The following EHD4 variants were observed in gnomAD, a reference collection of about 807,000 sequenced individuals.
The protein encoded by EHD4 is EH domain-containing protein 4.
A neutral mutation model predicts 51.0 loss-of-function variants in EHD4; 37 were observed. The ratio of observed to expected loss-of-function variants is 0.73; its 90% CI spans 0.56 to 0.95. The LOEUF is 0.95. Among genes scored for constraint, EHD4 ranks in the 40% least tolerant of loss-of-function variants. EHD4 has a pLI of 0.00. For missense variants in EHD4, 632 were observed against 733.1 expected, an observed-to-expected ratio of 0.86 and a Z score of 1.59; for synonymous variants, 297 against 317.3, an observed-to-expected ratio of 0.94 and a Z score of 0.68.
chr15:41,904,522 G>A lies in EHD4; in HGVS notation c.1090-3341C>T, dbSNP rs561156363. Among the ~76,000 whole-genome samples, 491 of 152,254 alleles carry A rather than the reference G, an allele frequency of 3.2e-3. 2 individuals are homozygous for A. The highest frequency in any genetic ancestry group is 0.014 in the Middle Eastern group (4 of 294). Reference sequence around the variant, plus strand: ...CACACTGGGGAACTTAAAGGTATTTGCCCATCAACAGTTGTATCCACTAAG... The same window carrying A: ...CACACTGGGGAACTTAAAGGTATTTACCCATCAACAGTTGTATCCACTAAG... On this transcript the variant is annotated intron_variant, in intron 5 of 5. Coordinates refer to ENST00000220325, the MANE Select transcript of EHD4 (RefSeq NM_139265.4).
intron 3 of EHD4, chr15:41,921,662 C>T (rs959715673): frequency 2.0e-5 from 3 of 152,206 alleles, no homozygotes; most frequent in African/African-American, 7.2e-5. Flanking sequence ...CACTCTCCCA[C>T]GTGGTCTTCC....
chr15:41,941,125 AATTG>A (rs1489014930), intron 3 of EHD4, among the ~76,000 whole-genome samples: 5 of 152,304 alleles, frequency 3.3e-5, no homozygotes, highest in Admixed American at 3.3e-4. Context: ...TAAAAAAAAA[AATTG>A]ATTGGCACTG....
Position 41,900,756 on chromosome 15 carries a change from C to T in EHD4, c.1515G>A (p.Ala505=), listed in dbSNP as rs370720124. ...TGATCTTGATGAGGTGCTTGGCCAG[C>T]GCGAACTCCTCCTCATCAAGCATGC... ...CDGMLDEEEF[A]LAKHLIKIKL... Residue 505 remains alanine (A), a synonymous_variant, in exon 6 of 6, where the codon GCG becomes GCA. Coordinates refer to ENST00000220325, the MANE Select transcript of EHD4 (RefSeq NM_139265.4). This position sits in a 1 kb window ranked among gnomAD's most constrained non-coding sequence, Gnocchi z 4.8. 44 of 1,613,802 alleles carry T rather than the reference C, an allele frequency of 2.7e-5. No homozygotes were observed. The highest frequency in any genetic ancestry group is 3.3e-4 in the Middle Eastern group (2 of 6,060).
chr15:41,957,675 G>T (rs998381185), intron 1 of EHD4, among the ~76,000 whole-genome samples: 39 of 152,270 alleles, frequency 2.6e-4, no homozygotes, highest in African/African-American at 8.9e-4. Flanking sequence ...TCACCCTGGG[G>T]TCCTACACTG....
intron 1 of EHD4, among the ~76,000 whole-genome samples, chr15:41,961,252 C>A (rs2067922600): frequency 1.3e-5 from 2 of 152,212 alleles, no homozygotes; most frequent in African/African-American, 4.8e-5. Flanking sequence ...CTGCCATTAC[C>A]TGTAAGTTGC....
intron 4 of EHD4, among the ~76,000 whole-genome samples, chr15:41,912,301 T>C (rs960366782): frequency 3.3e-5 from 5 of 152,178 alleles, no homozygotes; most frequent in African/African-American, 7.2e-5. Context: ...GGAAGTCTCC[T>C]GTTACGCTGC....
chr15:41,950,798 C>G (rs1177664169), intron 2 of EHD4, among the ~76,000 whole-genome samples: 1 of 152,124 alleles, frequency 6.6e-6, no homozygotes, highest in Non-Finnish European at 1.5e-5. Flanking sequence ...GATTCCAATC[C>G]CCTCTCTGCC....
rs2067537032 is a variant in EHD4 at position 41,909,815 on chromosome 15, A to G, written c.973T>C (p.Phe325Leu). The G allele has an allele frequency of 1.2e-6, 2 of 1,614,014 alleles. No homozygotes were observed. Among genetic ancestry groups the G allele is most frequent in the Middle Eastern group, 3.3e-4 (2 of 6,084 alleles). ...SYLKKEMPSV[F>L]GKENKKRELI... ...TCTCTCTTCTTGTTTTCCTTTCCAAATACACTTGGCATCTCCTTCTTCAGG... is the reference window on the plus strand; with the variant it reads ...TCTCTCTTCTTGTTTTCCTTTCCAAGTACACTTGGCATCTCCTTCTTCAGG... Residue 325 changes from phenylalanine (F) to leucine (L), a missense_variant, in exon 5 of 6, where the codon TTT (phenylalanine) becomes CTT (leucine). By Grantham distance (22) the Phe-to-Leu change is conservative (BLOSUM62 0). Coordinates refer to ENST00000220325, the MANE Select transcript of EHD4 (RefSeq NM_139265.4).
chr15:41,957,128 G>A (rs988855639), intron 1 of EHD4, among the ~76,000 whole-genome samples: 6 of 152,106 alleles, frequency 3.9e-5, no homozygotes, highest in Non-Finnish European at 5.9e-5. Context: ...CTAGGAGTTC[G>A]AGACTAGCCT....
chr15:41,933,270 A>G, intron 3 of EHD4, among the ~76,000 whole-genome samples: 1 of 152,232 alleles, frequency 6.6e-6, no homozygotes, highest in Admixed American at 6.5e-5. Flanking sequence ...GGGCACAGGT[A>G]CATGAAACCT....
At chr15:41,926,042 T>C (rs1320408238) in intron 3 of EHD4, 1 of 152,204 alleles carries the variant, frequency 6.6e-6, no homozygotes, top group Admixed American at 6.5e-5. Context: ...GCCAAGTTTC[T>C]AATTATGAGT....
intron 4 of EHD4, among the ~76,000 whole-genome samples, chr15:41,915,790 G>T (rs1355311883): frequency 1.3e-5 from 2 of 152,100 alleles, no homozygotes; most frequent in Non-Finnish European, 2.9e-5. Flanking sequence ...CTCAGAGTGT[G>T]AGCCGTCTTC....
At chr15:41,965,254 A>AT (rs1478032764) in intron 1 of EHD4, among the ~76,000 whole-genome samples, 10 of 152,238 alleles carry the variant, frequency 6.6e-5, no homozygotes, top group Admixed American at 3.3e-4. Flanking sequence ...CATTGAAGTT[A>AT]TTTTTGAAGA....
intron 5 of EHD4, among the ~76,000 whole-genome samples, chr15:41,907,878 T>C (rs372164448): frequency 3.0e-5 from 4 of 134,016 alleles, no homozygotes; most frequent in African/African-American, 1.1e-4. Context: ...GTGTATATAT[T>C]TATTTATTTT....
At position 41,957,123 on chromosome 15, in the gene EHD4, AG is replaced by A. The variant is rs1301499181; in HGVS notation, c.237-3184del. The stretch of plus-strand genomic sequence containing the variant: ...CAGTGGGAGGATCGCTTGGCCTAGG[AG>A]TTCGAGACTAGCCTGGGCAACATGG... On this transcript the variant is annotated intron_variant, in intron 1 of 5. Coordinates refer to ENST00000220325, the MANE Select transcript of EHD4 (RefSeq NM_139265.4). Among the ~76,000 whole-genome samples the A allele has an allele frequency of 2.0e-5, 3 of 152,236 alleles. No homozygotes were observed. In the East Asian group the frequency reaches 5.8e-4, roughly 29 times the overall value.
At chr15:41,911,846 G>A (rs1174543357) in intron 4 of EHD4, among the ~76,000 whole-genome samples, 5 of 152,054 alleles carry the variant, frequency 3.3e-5, no homozygotes, top group South Asian at 4.1e-4. Context: ...CCCTCACCAC[G>A]TACTAGTAAG....
At chr15:41,971,860 C>A (rs2067998035) in intron 1 of EHD4, among the ~76,000 whole-genome samples, 1 of 152,260 alleles carries the variant, frequency 6.6e-6, no homozygotes, top group Admixed American at 6.5e-5. Context: ...TAAACAAACT[C>A]TCCAACTAGG....
chr15:41,928,090 C>T (rs2067674787), intron 3 of EHD4, among the ~76,000 whole-genome samples: 1 of 152,164 alleles, frequency 6.6e-6, no homozygotes, highest in South Asian at 2.1e-4. Flanking sequence ...ATAATAACAG[C>T]CACTTCAGGG....
intron 1 of EHD4, among the ~76,000 whole-genome samples, chr15:41,968,781 T>A (rs993441406): frequency 2.6e-5 from 4 of 152,210 alleles, no homozygotes; most frequent in African/African-American, 9.7e-5. Context: ...ATTGTTTTGG[T>A]TTTTTATTGA....
Sources: allele counts gnomAD v4.1 joint callset (sites outside exome capture counted in the v4.1 genomes callset), GRCh38; gene constraint gnomAD v4.1.1; non-coding constraint Gnocchi (gnomAD v3.1); transcripts MANE v1.5; gene names NCBI Gene and HGNC (gene_info 2026-07-23, HGNC 2026-07-21).